The following GMEB2 variants were observed in gnomAD, a reference collection of about 807,000 sequenced individuals.
The protein encoded by GMEB2 is glucocorticoid modulatory element binding protein 2.
GMEB2 carries 7 observed loss-of-function variants against 45.7 expected under a neutral mutation model. The observed-to-expected ratio is 0.15, with a 90% confidence interval of 0.09 to 0.29. The LOEUF (loss-of-function observed/expected upper bound fraction) is 0.29, where lower values mean the gene tolerates loss of function less well. GMEB2 is among the 10% of genes least tolerant of loss of function. GMEB2 has a pLI of 1.00. For missense variants in GMEB2, 582 were observed against 739.2 expected (o/e 0.79, Z 2.47); for synonymous variants, 322 against 323.6 (o/e 1.00, Z 0.05).
At chr20:63,606,607 A>G (rs2146075175) in intron 2 of GMEB2, among the ~76,000 whole-genome samples, 1 of 152,342 alleles carries the variant, frequency 6.6e-6, no homozygotes, top group African/African-American at 2.4e-5. Context: ...TCGGCCTACC[A>G]AAGTGCTGGG....
chr20:63,599,408 G>A (rs559940809), intron 4 of GMEB2, among the ~76,000 whole-genome samples: 3 of 152,292 alleles, frequency 2.0e-5, no homozygotes, highest in South Asian at 2.1e-4. Context: ...TCCTATCTCC[G>A]CCTGCAATGC....
chr20:63,599,445 T>G (rs1601012360), intron 4 of GMEB2, among the ~76,000 whole-genome samples: 1 of 152,352 alleles, frequency 6.6e-6, no homozygotes, highest in Non-Finnish European at 1.5e-5. Flanking sequence ...TCCATCATGA[T>G]CTGCTGGTGG....
intron 1 of GMEB2, among the ~76,000 whole-genome samples, chr20:63,624,306 G>C (rs925172900): frequency 6.6e-6 from 1 of 151,190 alleles, no homozygotes; most frequent in Admixed American, 6.6e-5. Context: ...GCGGGTGCCT[G>C]TAATCCCACC....
chr20:63,604,686 C>T, intron 3 of GMEB2, 57 bp downstream of exon 3: 1 of 927,162 alleles, frequency 1.1e-6, no homozygotes, highest in Non-Finnish European at 1.8e-6. Flanking sequence ...GAGTGCAGGA[C>T]TGTCCTGTCC....
Position 63,592,097 on chromosome 20 carries a change from G to A in GMEB2, c.877C>T (p.Leu293=). 1.2e-6 allele frequency: 2 copies of A among 1,613,244 alleles called. No homozygotes were observed. The highest frequency in any genetic ancestry group is 8.5e-7 in the Non-Finnish European group (1 of 1,179,508). ...TGGCTGGCCAGCACCTTCTTCACCA[G>A]GTCCAGCATGCCGAAGTTCTGCACG... ...NIVQNFGMLD[L]VKKVLASHKC... is the part of the protein sequence containing the mutation. Residue 293 remains leucine, a synonymous_variant, in exon 9 of 10, where the codon CTG becomes TTG. Coordinates refer to ENST00000370077, the MANE Select transcript of GMEB2 (RefSeq NM_012384.5). This position sits in a 1 kb window ranked among gnomAD's most constrained non-coding sequence, Gnocchi z 8.2.
intron 2 of GMEB2, among the ~76,000 whole-genome samples, chr20:63,616,684 C>T (rs1406713187): frequency 6.6e-6 from 1 of 152,182 alleles, no homozygotes; most frequent in Non-Finnish European, 1.5e-5. Context: ...CTACCTCTGC[C>T]AGCAGGAATG....
rs756024582 is a variant in GMEB2 at position 63,592,110 on chromosome 20, G to A, written c.864C>T (p.Phe288=). 1.3e-5 allele frequency: 21 copies of A among 1,613,318 alleles called. No individual in the cohort carries two copies. Among genetic ancestry groups the A allele is most frequent in the African/African-American group, 9.3e-5 (7 of 74,946 alleles). ...CCTTCTTCACCAGGTCCAGCATGCC[G>A]AAGTTCTGCACGATGTTGTTGAGAA... The part of the protein sequence containing the change: ...AVLLNNIVQN[F]GMLDLVKKVL... The change falls in exon 9 of 10, where the codon TTC becomes TTT. Residue 288 remains phenylalanine (F), a synonymous_variant. Coordinates refer to ENST00000370077, the MANE Select transcript of GMEB2 (RefSeq NM_012384.5). The surrounding 1 kb of genome is among the most constrained non-coding windows in gnomAD (Gnocchi z 8.2).
Position 63,590,715 on chromosome 20 carries a change from A to C in GMEB2, c.967T>G (p.Cys323Gly). 1 of 1,511,074 alleles carries C rather than the reference A, an allele frequency of 6.6e-7. No homozygotes were observed. Among genetic ancestry groups the C allele is most frequent in the East Asian group, 2.4e-5 (1 of 42,316 alleles). The allele number at this position is 1,511,074 out of a possible 1,614,324, so 93.6% of individuals were successfully genotyped here. A position where few individuals can be genotyped will look rare whatever the true frequency, so the allele number is the denominator to read the frequency against. Residue 323 changes from cysteine (C) to glycine (G), a missense_variant, in exon 10 of 10, where the codon TGT becomes GGT. Cys to Gly is a radical substitution (Grantham distance 159). Coordinates refer to ENST00000370077, the MANE Select transcript of GMEB2 (RefSeq NM_012384.5). The stretch of plus-strand genomic sequence containing the variant: ...TTGGCTCGGCGACGATGCTCATCAC[A>C]CTGCTGCTCCAGGGCTGCAGGGAGG... ...ARDLAALEQQ[C>G]DEHRRRAKEL...
In GMEB2 at chr20:63,590,470, G is replaced by A. The variant is rs1302342016; in HGVS notation, c.1212C>T (p.Thr404=). ...CCTTGCCCAGGACGGTGGACGGCAG[G>A]GTGGACACCACTTTACCAAGGGGCA... ...TSVPLGKVVS[T]LPSTVLGKGS... is the part of the protein sequence containing the mutation. Residue 404 remains threonine, a synonymous_variant, in exon 10 of 10, where the codon ACC becomes ACT. Transcript: ENST00000370077. The A allele has an allele frequency of 6.6e-7, 1 of 1,510,822 alleles. No individual in the cohort carries two copies. Among genetic ancestry groups the A allele is most frequent in the East Asian group, 2.4e-5 (1 of 42,062 alleles). 93.6% of individuals were successfully genotyped at this position (1,510,822 alleles called of 1,614,324 possible). A position where few individuals can be genotyped will look rare whatever the true frequency, so the allele number is the denominator to read the frequency against.
chr20:63,622,171 T>G (rs1348391211), intron 1 of GMEB2, among the ~76,000 whole-genome samples: 1 of 152,016 alleles, frequency 6.6e-6, no homozygotes, highest in Non-Finnish European at 1.5e-5. Flanking sequence ...GAAAATAAAA[T>G]CTTCCAGAAC....
At chr20:63,599,135 A>G (rs932457404) in intron 4 of GMEB2, among the ~76,000 whole-genome samples, 26 of 151,562 alleles carry the variant, frequency 1.7e-4, no homozygotes, top group Non-Finnish European at 3.2e-4. Context: ...CTGACCCCCC[A>G]GAGCTAACGC....
chr20:63,589,261 G>A lies in GMEB2; in HGVS notation c.*828C>T, dbSNP rs1297787640. The stretch of plus-strand genomic sequence containing the variant: ...GCCCAGGACCTCCGCACCCGGTCAA[G>A]TGCACTCACAGGGGCTCAGGGGCCA... On this transcript the variant is annotated 3_prime_UTR_variant, in exon 10 of 10. Transcript: ENST00000370077. 1 of 398,672 alleles carries A rather than the reference G, an allele frequency of 2.5e-6. No homozygotes were observed. Among genetic ancestry groups the A allele is most frequent in the African/African-American group, 2.1e-5 (1 of 48,636 alleles). 24.7% of individuals were successfully genotyped at this position (398,672 alleles called of 1,614,324 possible). A position where few individuals can be genotyped will look rare whatever the true frequency, so the allele number is the denominator to read the frequency against.
Position 63,604,853 on chromosome 20 carries a change from A to G in GMEB2, c.132-13T>C, listed in dbSNP as rs1023215500. 14 of 1,479,698 alleles carry G rather than the reference A, an allele frequency of 9.5e-6. No individual in the cohort carries two copies. In the African/African-American group the frequency reaches 1.7e-4, roughly 17 times the overall value. The allele number at this position is 1,479,698 out of a possible 1,614,324, so 91.7% of individuals were successfully genotyped here. A position where few individuals can be genotyped will look rare whatever the true frequency, so the allele number is the denominator to read the frequency against. ...CGTCAGGTCGCCCCTGGTGAAGTGA[A>G]GGGAGGAGAGAATAGAATCAGGATC... On this transcript the variant is annotated splice_polypyrimidine_tract_variant and intron_variant, in intron 2 of 9. Transcript: ENST00000370077.
chr20:63,625,959 G>A (rs1193673523), intron 1 of GMEB2, among the ~76,000 whole-genome samples: 1 of 152,240 alleles, frequency 6.6e-6, no homozygotes, highest in Non-Finnish European at 1.5e-5. Flanking sequence ...AATTGAAACT[G>A]TTGTATTTGA....
intron 2 of GMEB2, among the ~76,000 whole-genome samples, chr20:63,607,094 C>T (rs564355344): frequency 1.3e-5 from 2 of 151,274 alleles, no homozygotes; most frequent in East Asian, 3.9e-4. Context: ...AAACATGCCC[C>T]TCTAACCCAC....
At chr20:63,607,232 G>C (rs1368123750) in intron 2 of GMEB2, among the ~76,000 whole-genome samples, 1 of 120,876 alleles carries the variant, frequency 8.3e-6, no homozygotes, top group Non-Finnish European at 1.7e-5. Flanking sequence ...ATGCCCCTCT[G>C]ACCCACCTCC....
At position 63,589,236 on chromosome 20, in the gene GMEB2, G is replaced by A. The variant is rs1317448882; in HGVS notation, c.*853C>T. ...GGAGGGGCCGGCTCAGGGACAGGCT[G>A]CCCAGGACCTCCGCACCCGGTCAAG... On this transcript the variant is annotated 3_prime_UTR_variant, in exon 10 of 10. Transcript: ENST00000370077. The A allele has an allele frequency of 2.0e-5, 8 of 399,008 alleles. No homozygotes were observed. Among genetic ancestry groups the A allele is most frequent in the Non-Finnish European group, 2.7e-5 (6 of 226,180 alleles). The allele number at this position is 399,008 out of a possible 1,614,324, so 24.7% of individuals were successfully genotyped here.
intron 1 of GMEB2, among the ~76,000 whole-genome samples, chr20:63,625,157 C>T (rs536478341): frequency 1.3e-5 from 2 of 152,240 alleles, no homozygotes; most frequent in African/African-American, 2.4e-5. Context: ...AGGGCGAGCA[C>T]CCCCTCCTCT....
At chr20:63,626,570 CGGGTG>C in intron 1 of GMEB2, among the ~76,000 whole-genome samples, 1 of 146,144 alleles carries the variant, frequency 6.8e-6, no homozygotes, top group African/African-American at 2.5e-5. Context: ...CCCTGCGGGT[CGGGTG>C]CCTGCGGGGT....
Sources: allele counts gnomAD v4.1 joint callset (sites outside exome capture counted in the v4.1 genomes callset), GRCh38; gene constraint gnomAD v4.1.1; non-coding constraint Gnocchi (gnomAD v3.1); transcripts MANE v1.5; gene names NCBI Gene and HGNC (gene_info 2026-07-23, HGNC 2026-07-21).